METTL15: variants seen among roughly 807,000 people sequenced by gnomAD.
The protein encoded by METTL15 is 12S rRNA N(4)-cytidine methyltransferase METTL15.
A neutral mutation model predicts 38.3 loss-of-function variants in METTL15; 34 were observed. That is an observed-to-expected ratio of 0.89 (90% CI 0.68 to 1.18). The LOEUF (loss-of-function observed/expected upper bound fraction) is 1.18. Among genes scored for constraint, METTL15 ranks in the 50% most tolerant of loss-of-function variants. The pLI is 0.00. For missense variants in METTL15, 438 were observed against 498.4 expected (o/e 0.88, Z 1.15); for synonymous variants, 162 against 170.9 (o/e 0.95, Z 0.41).
rs1399943019 is a variant in METTL15, at chr11:28,330,552, C to G, written c.935C>G (p.Pro312Arg). 1 of 1,551,530 alleles carries G rather than the reference C, an allele frequency of 6.4e-7. No individual in the cohort carries two copies. Residue 312 changes from proline (P) to arginine (R), a missense_variant, in exon 7 of 7, where the codon CCT becomes CGT. Pro to Arg is a moderately radical substitution (Grantham distance 103). Transcript: ENST00000407364. ...GLKTAQKFLR[P>R]GGRLVALSFH... ...AAGACAGCTCAGAAGTTTCTGAGAC[C>G]TGGTGGTCGTCTTGTTGCCCTCTCC...
At chr11:28,476,389 G>A (rs1334350797) in intron 6 of METTL15, among the ~76,000 whole-genome samples, 4 of 152,150 alleles carry the variant, frequency 2.6e-5, no homozygotes, top group African/African-American at 9.7e-5. Flanking sequence ...TGGTAGATAA[G>A]GCAATAGTGG....
intron 6 of METTL15, among the ~76,000 whole-genome samples, chr11:28,307,458 A>T (rs1258668801): frequency 6.6e-6 from 1 of 151,974 alleles, no homozygotes; most frequent in Non-Finnish European, 1.5e-5. Flanking sequence ...ACTAGGTACA[A>T]CTAGTAAAGA....
At chr11:28,131,373 G>C (rs1047980855) in intron 3 of METTL15, among the ~76,000 whole-genome samples, 1 of 152,090 alleles carries the variant, frequency 6.6e-6, no homozygotes, top group Non-Finnish European at 1.5e-5. Context: ...AGGTTTACCT[G>C]GTAGCCTGGT....
chr11:28,229,283 CT>C (rs1175499508), intron 4 of METTL15, among the ~76,000 whole-genome samples: 1 of 151,890 alleles, frequency 6.6e-6, no homozygotes, highest in Non-Finnish European at 1.5e-5. Flanking sequence ...TATTTCCTGT[CT>C]TTACCTGCTT....
At chr11:28,463,509 G>A (rs556551613) in intron 6 of METTL15, among the ~76,000 whole-genome samples, 1 of 152,122 alleles carries the variant, frequency 6.6e-6, no homozygotes, top group African/African-American at 2.4e-5. Flanking sequence ...GCTGATAACT[G>A]CTTAAAATGA....
intron 4 of METTL15, among the ~76,000 whole-genome samples, chr11:28,249,677 A>G (rs1160425062): frequency 6.6e-6 from 1 of 151,964 alleles, no homozygotes; most frequent in African/African-American, 2.4e-5. Flanking sequence ...TATTACACAG[A>G]TAATGCTATT....
chr11:28,241,961 T>C (rs1854318629), intron 4 of METTL15, among the ~76,000 whole-genome samples: 1 of 152,214 alleles, frequency 6.6e-6, no homozygotes, highest in South Asian at 2.1e-4. Context: ...TGCAGAGTTT[T>C]CAGTGAGTGA....
At chr11:28,112,837 G>T (rs1160778831) in intron 2 of METTL15, among the ~76,000 whole-genome samples, 1 of 152,064 alleles carries the variant, frequency 6.6e-6, no homozygotes, top group Non-Finnish European at 1.5e-5. Flanking sequence ...CTGAAGATGA[G>T]AATTTAGCAT....
At chr11:28,279,815 C>G (rs1380291395) in intron 4 of METTL15, among the ~76,000 whole-genome samples, 1 of 151,582 alleles carries the variant, frequency 6.6e-6, no homozygotes, top group African/African-American at 2.4e-5. Flanking sequence ...AGGAGAATCG[C>G]TTGAACCCGG....
intron 6 of METTL15, chr11:28,327,433 T>A (rs1849674258): frequency 6.6e-6 from 1 of 152,348 alleles, no homozygotes; most frequent in Non-Finnish European, 1.5e-5. Context: ...AAAGCTTGTC[T>A]GATTGCAGTG....
intron 5 of METTL15, among the ~76,000 whole-genome samples, chr11:28,402,752 A>G (rs1270829814): frequency 6.6e-6 from 1 of 151,896 alleles, no homozygotes; most frequent in African/African-American, 2.4e-5. Context: ...TTGCTTAGTG[A>G]TGACGTCTGG....
At chr11:28,235,237 C>A (rs374924763) in intron 4 of METTL15, among the ~76,000 whole-genome samples, 1 of 151,812 alleles carries the variant, frequency 6.6e-6, no homozygotes. Flanking sequence ...AGTCAGGTAG[C>A]GTGATGCCTC....
chr11:28,406,596 G>A (rs1023733642), intron 5 of METTL15, among the ~76,000 whole-genome samples: 10 of 152,116 alleles, frequency 6.6e-5, no homozygotes, highest in Non-Finnish European at 1.5e-4. Context: ...TGAGACAATG[G>A]GATCTTCTAG....
chr11:28,316,277 G>A (rs549351092), intron 6 of METTL15, among the ~76,000 whole-genome samples: 8 of 152,298 alleles, frequency 5.3e-5, no homozygotes, highest in Middle Eastern at 3.4e-3. Context: ...GATGTGAGAC[G>A]TGGATTCAAA....
chr11:28,139,903 A>G lies in METTL15; in HGVS notation c.270+26299A>G, dbSNP rs961715395. On this transcript the variant is annotated intron_variant, in intron 3 of 6. Coordinates refer to ENST00000407364, the MANE Select transcript of METTL15 (RefSeq NM_001113528.2). ...CTCTATGCAAATGGGTTCCTCCAAC[A>G]GGGAGAGAAACTCTTAATCATTGTT... is the stretch of plus-strand genomic sequence containing the variant. Among the ~76,000 whole-genome samples the G allele has an allele frequency of 2.0e-5, 3 of 152,238 alleles. No individual in the cohort carries two copies. The East Asian group carries it at 5.8e-4, about 29-fold the overall frequency.
chr11:28,198,331 G>C (rs1261831122), intron 3 of METTL15, among the ~76,000 whole-genome samples: 1 of 151,952 alleles, frequency 6.6e-6, no homozygotes, highest in Non-Finnish European at 1.5e-5. Context: ...AAGAGTGAAA[G>C]CTATTTATCA....
chr11:28,136,390 G>A (rs1262069545), intron 3 of METTL15, among the ~76,000 whole-genome samples: 1 of 152,118 alleles, frequency 6.6e-6, no homozygotes, highest in Non-Finnish European at 1.5e-5. Flanking sequence ...TGTAAGATGT[G>A]CCTTTGCTTC....
chr11:28,231,302 TAA>T (rs1355006159), intron 4 of METTL15, among the ~76,000 whole-genome samples: 1 of 151,832 alleles, frequency 6.6e-6, no homozygotes, highest in Non-Finnish European at 1.5e-5. Context: ...GTTATTTAAA[TAA>T]AATACCATTA....
intron 3 of METTL15, among the ~76,000 whole-genome samples, chr11:28,168,435 T>C (rs1043314898): frequency 6.6e-6 from 1 of 151,948 alleles, no homozygotes; most frequent in African/African-American, 2.4e-5. Context: ...TTCTTGTTCT[T>C]TTAGAGCAAA....
Sources: gnomAD v4.1 joint callset for allele counts (sites outside exome capture counted in the v4.1 genomes callset) on GRCh38, gnomAD v4.1.1 for gene constraint, MANE v1.5 for transcripts, NCBI Gene and HGNC (gene_info 2026-07-23, HGNC 2026-07-21) for gene names.